PCDHA2: variants seen among roughly 807,000 people sequenced by gnomAD.
PCDHA2 encodes the protein protocadherin alpha-2.
Under a neutral mutation model 66.0 loss-of-function variants are expected in PCDHA2, and 58 were observed. That is an observed-to-expected ratio of 0.88 (90% CI 0.71 to 1.09). The LOEUF (loss-of-function observed/expected upper bound fraction) is 1.09, where lower values mean the gene tolerates loss of function less well. Among genes scored for constraint, PCDHA2 ranks in the 50% least tolerant of loss-of-function variants. The pLI, the probability that PCDHA2 is intolerant of heterozygous loss-of-function variation, is 0.00. For synonymous variants in PCDHA2, 634 were observed against 554.0 expected, an observed-to-expected ratio of 1.14 and a Z score of -2.03; for missense variants, 1,267 against 1,242.3, an observed-to-expected ratio of 1.02 and a Z score of -0.30.
rs782182425 is a variant in PCDHA2 at position 140,876,300 on chromosome 5, A to C, written c.2388+78948A>C. On this transcript the variant is annotated intron_variant, in intron 1 of 3. Coordinates refer to ENST00000526136, the MANE Select transcript of PCDHA2 (RefSeq NM_018905.3). ...ATCCAGACGAAGGACTTAATGGAGA[A>C]ATTTCCTATGGGATCAAAATGATTT... 2.1e-5 allele frequency: 34 copies of C among 1,613,966 alleles called. No individual in the cohort carries two copies. Among genetic ancestry groups the C allele is most frequent in the Non-Finnish European group, 2.9e-5 (34 of 1,179,910 alleles).
At chr5:140,881,244 C>T (rs1219638908) in intron 1 of PCDHA2, 9 of 397,012 alleles carry the variant, frequency 2.3e-5, no homozygotes, top group Non-Finnish European at 3.1e-5. Context: ...ATTTAAATGA[C>T]GGCAAGGTTT....
intron 1 of PCDHA2, chr5:140,810,897 T>C (rs1051194245): frequency 3.9e-5 from 6 of 152,186 alleles, no homozygotes; most frequent in African/African-American, 1.4e-4. Context: ...CAAAGATAAT[T>C]TTCTGTGGTA....
chr5:140,874,630 G>A (rs1299205823), intron 1 of PCDHA2, among the ~76,000 whole-genome samples: 2 of 152,212 alleles, frequency 1.3e-5, no homozygotes, highest in Non-Finnish European at 2.9e-5. Context: ...TTACATTAAA[G>A]TGCTTTACTT....
At chr5:140,927,882 G>A in intron 1 of PCDHA2, 2 of 1,614,224 alleles carry the variant, frequency 1.2e-6, no homozygotes, top group Non-Finnish European at 1.7e-6. Context: ...TGGTGGAGGT[G>A]ACTGACGTGA....
At chr5:140,927,651 C>A in intron 1 of PCDHA2, 2 of 1,614,216 alleles carry the variant, frequency 1.2e-6, no homozygotes, top group Non-Finnish European at 1.7e-6. Context: ...CTGTGTTATT[C>A]CGAGTTCAAG....
intron 1 of PCDHA2, chr5:140,822,550 T>A (rs2150117241): frequency 6.2e-7 from 1 of 1,613,768 alleles, no homozygotes; most frequent in South Asian, 1.1e-5. Flanking sequence ...AAGTGGGACA[T>A]TAGTTATTAA....
chr5:140,902,488 G>T (rs1357036471), intron 1 of PCDHA2, among the ~76,000 whole-genome samples: 2 of 152,096 alleles, frequency 1.3e-5, no homozygotes, highest in African/African-American at 4.8e-5. Context: ...TGCTCAGTAT[G>T]ATACTAGCTG....
At position 140,796,354 on chromosome 5, in the gene PCDHA2, G is replaced by T. The variant is rs574219981; in HGVS notation, c.1390G>T (p.Val464Leu). The T allele has an allele frequency of 3.7e-6, 6 of 1,613,956 alleles. No individual in the cohort carries two copies. The African/African-American group carries it at 4.0e-5, about 11-fold the overall frequency. ...CGCACAGCCTGAGTACACAGTATTC[G>T]TGAAGGAGAACAACCCGCCGGGCTG... ...AFAQPEYTVF[V>L]KENNPPGCHI... Residue 464 changes from valine (V) to leucine (L), a missense_variant, in exon 1 of 4, where the codon GTG (valine) becomes TTG (leucine). Val to Leu is a conservative substitution (Grantham distance 32, BLOSUM62 1). Coordinates refer to ENST00000526136, the MANE Select transcript of PCDHA2 (RefSeq NM_018905.3).
At position 141,009,798 on chromosome 5, in the gene PCDHA2, A is replaced by T; in HGVS notation, c.2708A>T (p.Asn903Ile). 1 of 1,614,116 alleles carries T rather than the reference A, an allele frequency of 6.2e-7. No individual in the cohort carries two copies. The highest frequency in any genetic ancestry group is 2.2e-5 in the East Asian group (1 of 44,868). Residue 903 changes from asparagine (N) to isoleucine (I), a missense_variant, in exon 4 of 4, where the codon AAC (asparagine) becomes ATC (isoleucine). Asn to Ile is a moderately radical substitution (Grantham distance 149). Coordinates refer to ENST00000526136, the MANE Select transcript of PCDHA2 (RefSeq NM_018905.3). The stretch of plus-strand genomic sequence containing the variant: ...ATCTCCATCCGGCAGGAGCCTACTA[A>T]CAGCCAAATTGACAAAAGTGACTTC... Reference protein sequence around the residue: ...AIISIRQEPTNSQIDKSDFIT... With the variant: ...AIISIRQEPTISQIDKSDFIT...
In PCDHA2 at chr5:140,929,128, A is replaced by G. The variant is rs142487298; in HGVS notation, c.2389-49821A>G. On this transcript the variant is annotated intron_variant, in intron 1 of 3. Transcript: ENST00000526136. Reference sequence around the variant, plus strand: ...GACATCAGCCACCATAGATGTCACTACAGTTGAGAGACTTTCTCAGACTTA... The same window carrying G: ...GACATCAGCCACCATAGATGTCACTGCAGTTGAGAGACTTTCTCAGACTTA... The G allele has an allele frequency of 8.1e-6, 13 of 1,614,054 alleles. No individual in the cohort carries two copies. In the African/African-American group the frequency reaches 1.5e-4, roughly 18 times the overall value.
At chr5:140,814,260 A>G (rs1223744595) in intron 1 of PCDHA2, 2 of 152,254 alleles carry the variant, frequency 1.3e-5, no homozygotes, top group African/African-American at 4.8e-5. Context: ...ATAAACACCC[A>G]TACTAGCCTA....
chr5:140,872,755 C>A (rs1415992998), intron 1 of PCDHA2, among the ~76,000 whole-genome samples: 2 of 152,118 alleles, frequency 1.3e-5, no homozygotes, highest in African/African-American at 4.8e-5. Flanking sequence ...TAAAGACATG[C>A]ATATAGGGCT....
At chr5:140,928,367 C>T (rs781897390) in intron 1 of PCDHA2, 1 of 1,614,170 alleles carries the variant, frequency 6.2e-7, no homozygotes, top group East Asian at 2.2e-5. Context: ...TCTGAAGGGC[C>T]ATCAGCCTCT....
At chr5:140,941,202 CCTTTCTTTCTTCCTTT>C (rs1307053809) in intron 1 of PCDHA2, among the ~76,000 whole-genome samples, 1 of 122,742 alleles carries the variant, frequency 8.1e-6, no homozygotes, top group Non-Finnish European at 1.8e-5. Context: ...TTTCTTTCTT[CCTTTCTTTCTTCCTTT>C]CTTTCTTTCT....
rs781801031 is a variant in PCDHA2, at chr5:140,796,082, C to A, written c.1118C>A (p.Thr373Lys). The A allele has an allele frequency of 1.2e-6, 2 of 1,614,194 alleles. No homozygotes were observed. The highest frequency in any genetic ancestry group is 2.2e-5 in the East Asian group (1 of 44,886). The change falls in exon 1 of 4, where the codon ACG becomes AAG. Residue 373 changes from threonine to lysine, a missense_variant. By Grantham distance (78) the Thr-to-Lys change is moderately conservative. Transcript: ENST00000526136. ...CTGGGCACTGTCATTGCTCTCATCA[C>A]GGTGTCGGATCGCGACTCTGGTACG... ...ASLGTVIALI[T>K]VSDRDSGTNG...
rs1455113035 is a variant in PCDHA2 at position 140,795,421 on chromosome 5, C to T, written c.457C>T (p.Pro153Ser). ...PESRLLDSRF[P>S]LEGASDADIG... Reference sequence around the variant, plus strand: ...ATCAAGGCTGCTTGATTCTCGGTTTCCTCTAGAGGGAGCATCTGATGCAGA... The same window carrying T: ...ATCAAGGCTGCTTGATTCTCGGTTTTCTCTAGAGGGAGCATCTGATGCAGA... Residue 153 changes from proline (P) to serine (S), a missense_variant, in exon 1 of 4, where the codon CCT (proline) becomes TCT (serine). Transcript: ENST00000526136. The T allele has an allele frequency of 3.3e-5, 53 of 1,614,158 alleles. No homozygotes were observed. Among genetic ancestry groups the T allele is most frequent in the Non-Finnish European group, 4.4e-5 (52 of 1,180,030 alleles).
chr5:140,802,274 A>G (rs1034128060), intron 1 of PCDHA2: 3 of 1,614,120 alleles, frequency 1.9e-6, no homozygotes, highest in African/African-American at 1.3e-5. Context: ...CTTTACCTGT[A>G]TTAGAAGACT....
At chr5:140,966,670 G>C in intron 1 of PCDHA2, 1 of 1,283,064 alleles carries the variant, frequency 7.8e-7, no homozygotes, top group Non-Finnish European at 1.0e-6. Flanking sequence ...AGCAGGCGCA[G>C]GGTGGCACGA....
chr5:140,916,276 C>T (rs1012702427), intron 1 of PCDHA2, among the ~76,000 whole-genome samples: 4 of 152,192 alleles, frequency 2.6e-5, no homozygotes, highest in African/African-American at 7.2e-5. Flanking sequence ...GCTTGTTGCT[C>T]TACTCCACGT....
Sources: gnomAD v4.1 joint callset for allele counts (sites outside exome capture counted in the v4.1 genomes callset) on GRCh38, gnomAD v4.1.1 for gene constraint, MANE v1.5 for transcripts, NCBI Gene and HGNC (gene_info 2026-07-23, HGNC 2026-07-21) for gene names.